The following CCSER2 variants were observed in gnomAD, a reference collection of about 807,000 sequenced individuals.
CCSER2 encodes the protein serine-rich coiled-coil domain-containing protein 2.
Under a neutral mutation model 92.3 loss-of-function variants are expected in CCSER2, and 46 were observed. That is an observed-to-expected ratio of 0.50 (90% CI 0.39 to 0.64). The LOEUF (loss-of-function observed/expected upper bound fraction) is 0.64, where lower values mean the gene tolerates loss of function less well. CCSER2 is among the 30% of genes least tolerant of loss of function. The pLI is 0.00. For missense variants in CCSER2, 1,244 were observed against 1,238.9 expected (o/e 1.00, Z -0.06); for synonymous variants, 433 against 431.4 (o/e 1.00, Z -0.04).
intron 6 of CCSER2, among the ~76,000 whole-genome samples, chr10:84,462,689 T>G (rs1382708714): frequency 6.6e-6 from 1 of 152,214 alleles, no homozygotes; most frequent in Non-Finnish European, 1.5e-5. Flanking sequence ...TGCTGGAAAT[T>G]TGGCAAACAC....
intron 8 of CCSER2, among the ~76,000 whole-genome samples, chr10:84,475,982 C>G (rs955536148): frequency 1.3e-5 from 2 of 152,124 alleles, no homozygotes; most frequent in Non-Finnish European, 2.9e-5. Flanking sequence ...CAGGCACATG[C>G]TACCATGCCT....
chr10:84,463,299 G>A (rs909157612), intron 6 of CCSER2, among the ~76,000 whole-genome samples: 2 of 152,198 alleles, frequency 1.3e-5, no homozygotes, highest in African/African-American at 2.4e-5. Flanking sequence ...TTTAACTACC[G>A]TACACTCAGG....
rs1401635246 is a variant in CCSER2 at position 84,332,436 on chromosome 10, A to ATATATATATT, written c.-40+3629_-40+3630insATATATATTT. Among the ~76,000 whole-genome samples, 376 of 55,178 alleles carry ATATATATATT rather than the reference A, an allele frequency of 6.8e-3. 14 individuals carry two copies. The highest frequency in any genetic ancestry group is 0.041 in the African/African-American group (357 of 8,672). The allele number at this position is 55,178 out of a possible 152,430, so 36.2% of individuals were successfully genotyped here. A position where few individuals can be genotyped will look rare whatever the true frequency, so the allele number is the denominator to read the frequency against. ...TTTATATATATATATATATATATAT[A>ATATATATATT]TTTTTTTTTTTTTTTTTTTTTGAGA... On this transcript the variant is annotated intron_variant, in intron 1 of 9. Transcript: ENST00000372088.
rs931318821 is a variant in CCSER2, at chr10:84,333,035, A to G, written c.-40+4227A>G. ...TTTTCATTCTTTTTTCTGAACTTAA[A>G]TAGGAAAACAAAATAACCTAACTTT... On this transcript the variant is annotated intron_variant, in intron 1 of 9. Transcript: ENST00000372088. Among the ~76,000 whole-genome samples the G allele has an allele frequency of 4.6e-5, 7 of 152,194 alleles. No homozygotes were observed. The East Asian group carries it at 1.3e-3, about 29-fold the overall frequency.
At chr10:84,463,881 T>TGTCC in intron 6 of CCSER2, 52 bp from the exon 7 acceptor site, 1 of 1,223,912 alleles carries the variant, frequency 8.2e-7, no homozygotes, top group Non-Finnish European at 1.2e-6. Context: ...TTGAACTGAA[T>TGTCC]GTCCACAATT....
At position 84,404,482 on chromosome 10, in the gene CCSER2, C is replaced by T. The variant is rs151284356; in HGVS notation, c.1615-13289C>T. ...AGCAAGCATATGCCACTGGTACAAA[C>T]GGGATATGGAGCTCAAGCTGCTTGA... On this transcript the variant is annotated intron_variant, in intron 3 of 9. Transcript: ENST00000372088. Among the ~76,000 whole-genome samples the T allele has an allele frequency of 6.3e-3, 955 of 152,132 alleles. 6 individuals are homozygous for T. Among genetic ancestry groups the T allele is most frequent in the African/African-American group, 0.021 (856 of 41,494 alleles).
intron 5 of CCSER2, 144 bp downstream of exon 5, chr10:84,426,037 C>T (rs1843417920): frequency 6.5e-6 from 3 of 458,726 alleles, no homozygotes; most frequent in Admixed American, 8.2e-5. Context: ...TTATGTGGTA[C>T]TAATTGGAAT....
intron 4 of CCSER2, chr10:84,425,129 T>C: frequency 2.0e-6 from 2 of 984,528 alleles, no homozygotes; most frequent in Non-Finnish European, 2.4e-6. Flanking sequence ...GTGTACTGTT[T>C]GTTGCTGCAA....
At chr10:84,474,163 A>G (rs1350736569) in intron 8 of CCSER2, among the ~76,000 whole-genome samples, 2 of 152,182 alleles carry the variant, frequency 1.3e-5, no homozygotes, top group East Asian at 3.8e-4. Flanking sequence ...ACTCTTCAGA[A>G]TAATCTTGGG....
At chr10:84,399,248 C>T (rs953166109) in intron 3 of CCSER2, among the ~76,000 whole-genome samples, 4 of 152,106 alleles carry the variant, frequency 2.6e-5, no homozygotes, top group Non-Finnish European at 4.4e-5. Flanking sequence ...CAGCTGTACC[C>T]ATTGTTTAGC....
At chr10:84,449,148 G>T (rs149307201) in intron 6 of CCSER2, among the ~76,000 whole-genome samples, 39 of 152,326 alleles carry the variant, frequency 2.6e-4, no homozygotes, top group African/African-American at 8.2e-4. Flanking sequence ...GCCGAGGTAG[G>T]TGGATCACCT....
At chr10:84,357,291 G>A (rs546883978) in intron 1 of CCSER2, among the ~76,000 whole-genome samples, 1 of 152,262 alleles carries the variant, frequency 6.6e-6, no homozygotes, top group South Asian at 2.1e-4. Context: ...CAACAAGTCA[G>A]GCATAAACCT....
intron 6 of CCSER2, chr10:84,456,042 T>G: frequency 2.1e-6 from 1 of 468,054 alleles, no homozygotes; most frequent in Non-Finnish European, 4.2e-6. Context: ...TTTCTGTAGC[T>G]CTTCCAAAGC....
intron 6 of CCSER2, among the ~76,000 whole-genome samples, chr10:84,441,415 T>A (rs2133529371): frequency 6.6e-6 from 1 of 152,310 alleles, no homozygotes; most frequent in South Asian, 2.1e-4. Context: ...TTTCTGTTTG[T>A]TTTGTTTCAT....
intron 1 of CCSER2, among the ~76,000 whole-genome samples, chr10:84,360,491 G>C (rs1003034048): frequency 1.6e-4 from 24 of 152,080 alleles, no homozygotes; most frequent in Non-Finnish European, 2.9e-4. Flanking sequence ...GCAGTTTGAG[G>C]CTTTTAATTT....
intron 1 of CCSER2, among the ~76,000 whole-genome samples, chr10:84,346,850 A>C (rs1844514641): frequency 6.6e-6 from 1 of 151,832 alleles, no homozygotes; most frequent in Admixed American, 6.6e-5. Flanking sequence ...GCAGGGTCAT[A>C]GGACAATAGT....
chr10:84,379,776 T>A (rs1840795323), intron 3 of CCSER2, among the ~76,000 whole-genome samples: 1 of 152,180 alleles, frequency 6.6e-6, no homozygotes, highest in Non-Finnish European at 1.5e-5. Context: ...CTTTTTTAAC[T>A]CAATTTTATG....
intron 6 of CCSER2, chr10:84,456,130 C>G (rs1313789489): frequency 3.0e-6 from 1 of 332,874 alleles, no homozygotes; most frequent in Non-Finnish European, 5.9e-6. Context: ...ATGCAGAGCC[C>G]TCAAATCAAA....
chr10:84,470,361 T>C lies in CCSER2; in HGVS notation c.2149-11T>C. On this transcript the variant is annotated splice_polypyrimidine_tract_variant and intron_variant, in intron 7 of 9. Transcript: ENST00000372088. ...TTAAATACCTCATCTAAAGATTTTTTAATATTTCAGAATGAAGATTTATTA... is the reference window on the plus strand; with the variant it reads ...TTAAATACCTCATCTAAAGATTTTTCAATATTTCAGAATGAAGATTTATTA... The C allele has an allele frequency of 3.1e-6, 4 of 1,277,272 alleles. No homozygotes were observed. The highest frequency in any genetic ancestry group is 3.0e-5 in the South Asian group (2 of 66,532). The allele number at this position is 1,277,272 out of a possible 1,614,324, so 79.1% of individuals were successfully genotyped here.
Sources: allele counts gnomAD v4.1 joint callset (sites outside exome capture counted in the v4.1 genomes callset), GRCh38; gene constraint gnomAD v4.1.1; transcripts MANE v1.5; gene names NCBI Gene and HGNC (gene_info 2026-07-23, HGNC 2026-07-21).